PRKN: variants seen among roughly 807,000 people sequenced by gnomAD.
The protein encoded by PRKN is parkin RBR E3 ubiquitin protein ligase, also known as E3 ubiquitin-protein ligase parkin.
Under a neutral mutation model 59.5 loss-of-function variants are expected in PRKN, and 56 were observed. That is an observed-to-expected ratio of 0.94 (90% CI 0.76 to 1.18). The LOEUF (loss-of-function observed/expected upper bound fraction) is 1.18. Among genes scored for constraint, PRKN ranks in the 50% most tolerant of loss-of-function variants. The probability of loss-of-function intolerance (pLI) is 0.00; values close to 1 mark genes in which losing one functional copy is unlikely to be tolerated. For missense variants in PRKN, 657 were observed against 596.4 expected (o/e 1.10, Z -1.06); for synonymous variants, 250 against 222.1 (o/e 1.13, Z -1.12).
At chr6:162,293,343 A>G (rs1781524953) in intron 2 of PRKN, among the ~76,000 whole-genome samples, 1 of 152,202 alleles carries the variant, frequency 6.6e-6, no homozygotes, top group Non-Finnish European at 1.5e-5. Context: ...GTTTTAATTT[A>G]TAAGATTAAA....
intron 1 of PRKN, among the ~76,000 whole-genome samples, chr6:162,493,759 C>T (rs1792927710): frequency 6.6e-6 from 1 of 152,186 alleles, no homozygotes; most frequent in Admixed American, 6.5e-5. Context: ...CCCTGGTACA[C>T]ACAGAGCCTA....
At chr6:161,493,294 T>A (rs1777625519) in intron 9 of PRKN, among the ~76,000 whole-genome samples, 1 of 152,242 alleles carries the variant, frequency 6.6e-6, no homozygotes, top group South Asian at 2.1e-4. Context: ...TATTTAATAA[T>A]TCACTTAACC....
chr6:161,787,071 A>G (rs1368768239), intron 6 of PRKN, among the ~76,000 whole-genome samples: 2 of 152,186 alleles, frequency 1.3e-5, no homozygotes, highest in African/African-American at 2.4e-5. Context: ...CCTATTTCCT[A>G]TGTAATTGTA....
chr6:162,639,730 T>C (rs1381152184), intron 1 of PRKN, among the ~76,000 whole-genome samples: 1 of 152,078 alleles, frequency 6.6e-6, no homozygotes, highest in East Asian at 1.9e-4. Flanking sequence ...CCCCTTATGA[T>C]TATAAATAAT....
intron 6 of PRKN, among the ~76,000 whole-genome samples, chr6:161,951,423 C>G (rs1239950002): frequency 6.6e-6 from 1 of 152,168 alleles, no homozygotes; most frequent in Non-Finnish European, 1.5e-5. Flanking sequence ...GGAAATTAGT[C>G]TTTGAAAGAA....
chr6:162,082,483 C>G (rs1472853330), intron 4 of PRKN, among the ~76,000 whole-genome samples: 1 of 152,070 alleles, frequency 6.6e-6, no homozygotes, highest in Non-Finnish European at 1.5e-5. Context: ...ACTAAAATTT[C>G]CTTCATATCA....
At chr6:162,332,292 C>T (rs9458526) in intron 2 of PRKN, among the ~76,000 whole-genome samples, 29,149 of 152,178 alleles carry the variant, frequency 0.19, 3,304 homozygotes, top group East Asian at 0.49. Context: ...GCAGCAGCTT[C>T]CCCTGCAGAA....
intron 3 of PRKN, among the ~76,000 whole-genome samples, chr6:162,238,871 G>C (rs1395220510): frequency 6.6e-6 from 1 of 152,160 alleles, no homozygotes; most frequent in African/African-American, 2.4e-5. Flanking sequence ...ATGATGCCGA[G>C]GCACGGGCCA....
intron 1 of PRKN, among the ~76,000 whole-genome samples, chr6:162,602,778 A>G (rs1193457766): frequency 6.6e-6 from 1 of 152,230 alleles, no homozygotes; most frequent in Non-Finnish European, 1.5e-5. Context: ...GCTCTTTTCA[A>G]AATTAAAATA....
At chr6:161,933,540 A>T (rs750431693) in intron 6 of PRKN, among the ~76,000 whole-genome samples, 1 of 152,196 alleles carries the variant, frequency 6.6e-6, no homozygotes, top group Non-Finnish European at 1.5e-5. Context: ...GTAGCTTAGT[A>T]TTGTTATGAA....
In PRKN at chr6:161,454,349, T is replaced by C. The variant is rs1361468774; in HGVS notation, c.1084-67472A>G. On this transcript the variant is annotated intron_variant, in intron 9 of 11. Coordinates refer to ENST00000366898, the MANE Select transcript of PRKN (RefSeq NM_004562.3). The surrounding 1 kb of genome is among the most constrained non-coding windows in gnomAD (Gnocchi z 4.6). ...TAGATCCTTGGGTAATTCTCCATAC[T>C]CTGAAGTTCTTGAAGAAGGCACTGG... 6.6e-6 allele frequency among the ~76,000 whole-genome samples: 1 copy of C among 152,202 alleles called. No individual in the cohort carries two copies. The highest frequency in any genetic ancestry group is 6.5e-5 in the Admixed American group (1 of 15,284).
chr6:162,718,758 T>TA (rs1778821665), intron 1 of PRKN, among the ~76,000 whole-genome samples: 1 of 150,164 alleles, frequency 6.7e-6, no homozygotes, highest in Non-Finnish European at 1.5e-5. Flanking sequence ...CAAAACAAAA[T>TA]AGAGTTCTAA....
chr6:161,597,068 T>G (rs1305461538), intron 7 of PRKN, among the ~76,000 whole-genome samples: 1 of 152,160 alleles, frequency 6.6e-6, no homozygotes, highest in Non-Finnish European at 1.5e-5. Context: ...AGAGAGAAAT[T>G]CAAAAGAACA....
chr6:162,017,458 T>G (rs564834640), intron 5 of PRKN, among the ~76,000 whole-genome samples: 3 of 152,198 alleles, frequency 2.0e-5, no homozygotes, highest in Non-Finnish European at 4.4e-5. Context: ...ATATCCATTA[T>G]GTTCATGTCA....
intron 1 of PRKN, among the ~76,000 whole-genome samples, chr6:162,614,532 C>T (rs970178544): frequency 6.6e-6 from 1 of 152,162 alleles, no homozygotes; most frequent in Non-Finnish European, 1.5e-5. Flanking sequence ...ATTTGCATTA[C>T]ACCTCAAATA....
At chr6:161,751,477 T>C (rs1018989114) in intron 7 of PRKN, among the ~76,000 whole-genome samples, 1 of 152,256 alleles carries the variant, frequency 6.6e-6, no homozygotes, top group Non-Finnish European at 1.5e-5. Flanking sequence ...TATGATTACC[T>C]GTAAATTTCA....
At chr6:162,142,835 A>G (rs552011882) in intron 4 of PRKN, among the ~76,000 whole-genome samples, 7 of 152,220 alleles carry the variant, frequency 4.6e-5, no homozygotes, top group Non-Finnish European at 7.3e-5. Flanking sequence ...TACTACAAAG[A>G]TGGGAAATTG....
chr6:161,787,589 A>C (rs1320821113), intron 6 of PRKN, among the ~76,000 whole-genome samples: 1 of 152,218 alleles, frequency 6.6e-6, no homozygotes, highest in African/African-American at 2.4e-5. Context: ...CCAATCTGCT[A>C]CTAATTCATG....
At chr6:161,595,670 A>C (rs778008544) in intron 7 of PRKN, among the ~76,000 whole-genome samples, 1 of 152,118 alleles carries the variant, frequency 6.6e-6, no homozygotes, top group Non-Finnish European at 1.5e-5. Context: ...AACTCAGTGC[A>C]AGCAGGGTGA....
Sources: allele counts gnomAD v4.1 joint callset (sites outside exome capture counted in the v4.1 genomes callset), GRCh38; gene constraint gnomAD v4.1.1; non-coding constraint Gnocchi (gnomAD v3.1); transcripts MANE v1.5; gene names NCBI Gene and HGNC (gene_info 2026-07-23, HGNC 2026-07-21).